MYH11: variants seen among roughly 807,000 people sequenced by gnomAD.
MYH11 encodes the protein myosin-11.
In MYH11, 80 loss-of-function variants were observed where a neutral mutation model predicts 246.6. The ratio of observed to expected loss-of-function variants is 0.32; its 90% CI spans 0.27 to 0.39. The LOEUF (loss-of-function observed/expected upper bound fraction) is 0.39, where lower values mean the gene tolerates loss of function less well. MYH11 is among the 10% of genes least tolerant of loss of function. The probability of loss-of-function intolerance (pLI) is 1.00; values close to 1 mark genes in which losing one functional copy is unlikely to be tolerated. For synonymous variants in MYH11, 1,071 were observed against 1,015.5 expected (o/e 1.05, Z -1.04); for missense variants, 2,158 against 2,546.8 (o/e 0.85, Z 3.29).
chr16:15,785,339 G>C (rs2042444232), intron 5 of MYH11: 1 of 151,950 alleles, frequency 6.6e-6, no homozygotes, highest in Non-Finnish European at 1.5e-5. Context: ...ATTATCTCCT[G>C]TGTTTACTCT....
chr16:15,805,008 C>T (rs2042976923), intron 3 of MYH11, among the ~76,000 whole-genome samples: 1 of 152,152 alleles, frequency 6.6e-6, no homozygotes, highest in Non-Finnish European at 1.5e-5. Flanking sequence ...TTCAATTCTT[C>T]GGGTACATAC....
intron 22 of MYH11, chr16:15,741,216 A>G: frequency 1.7e-6 from 1 of 605,916 alleles, no homozygotes; most frequent in Non-Finnish European, 3.0e-6. Flanking sequence ...ATTATCCTCC[A>G]TTCAGGCTTG....
Position 15,703,402 on chromosome 16 carries a change from CTT to C in MYH11, c.*587_*588del. The C allele has an allele frequency of 4.2e-6, 1 of 238,986 alleles. No homozygotes were observed. Among genetic ancestry groups the C allele is most frequent in the East Asian group, 6.0e-5 (1 of 16,674 alleles). 14.8% of individuals were successfully genotyped at this position (238,986 alleles called of 1,614,324 possible). ...GGGCCGGCGGCACCCATTTCGGTGA[CTT>C]TCTCCCCATTTCATGTAAACAGAAT... On this transcript the variant is annotated 3_prime_UTR_variant, in exon 41 of 41. Transcript: ENST00000300036.
chr16:15,759,285 T>C (rs1412758956), intron 12 of MYH11, among the ~76,000 whole-genome samples: 1 of 151,316 alleles, frequency 6.6e-6, no homozygotes, highest in Non-Finnish European at 1.5e-5. Context: ...GAGAGCCTGC[T>C]TGAGAATGGA....
In MYH11 at chr16:15,708,006, C is replaced by T. The variant is rs112651119; in HGVS notation, c.5787-3883G>A. ...CAAAATCCCAGAGCAGCAGAGACCT[C>T]TTCATGCTTTCTTGGGAAGGGCCCT... On this transcript the variant is annotated intron_variant, in intron 40 of 40. Coordinates refer to ENST00000300036, the MANE Select transcript of MYH11 (RefSeq NM_002474.3). Among the ~76,000 whole-genome samples, 1,510 of 151,020 alleles carry T rather than the reference C, an allele frequency of 1.0e-2. 32 individuals carry two copies. Among genetic ancestry groups the T allele is most frequent in the African/African-American group, 0.034 (1,386 of 41,072 alleles).
intron 6 of MYH11, among the ~76,000 whole-genome samples, chr16:15,779,696 T>C (rs1005584183): frequency 5.3e-5 from 8 of 152,196 alleles, no homozygotes; most frequent in African/African-American, 1.9e-4. Context: ...GTGTAGGATG[T>C]CCTTTAGGCA....
At chr16:15,724,104 G>T in intron 31 of MYH11, 57 bp downstream of exon 31, 3 of 1,608,854 alleles carry the variant, frequency 1.9e-6, no homozygotes, top group South Asian at 2.2e-5. Context: ...ACTCTGCAGA[G>T]CTGATTCCCC....
Position 15,776,254 on chromosome 16 carries a change from C to T in MYH11, c.791-78G>A, listed in dbSNP as rs1596818579. On this transcript the variant is annotated intron_variant, in intron 7 of 40. Coordinates refer to ENST00000300036, the MANE Select transcript of MYH11 (RefSeq NM_002474.3). The stretch of plus-strand genomic sequence containing the variant: ...CTTCCACCTCCATCCCTGTCACACC[C>T]AATTCACATGGGATGACTTTCCAGT... The T allele has an allele frequency of 4.2e-6, 4 of 949,518 alleles. No individual in the cohort carries two copies. The East Asian group carries it at 9.6e-5, about 23-fold the overall frequency. 58.8% of individuals were successfully genotyped at this position (949,518 alleles called of 1,614,324 possible).
chr16:15,823,750 T>C lies in MYH11; in HGVS notation c.346-339A>G, dbSNP rs796968612. ...AGGTGATCCTCCTACCTCAGCCTCC[T>C]GAGTAGCCAGGACTACAGGCGGGCG... On this transcript the variant is annotated intron_variant, in intron 2 of 40. Transcript: ENST00000300036. Among the ~76,000 whole-genome samples, 8 of 152,142 alleles carry C rather than the reference T, an allele frequency of 5.3e-5. No individual in the cohort carries two copies. The South Asian group carries it at 1.7e-3, about 32-fold the overall frequency.
At chr16:15,729,413 G>T (rs1169168196) in intron 27 of MYH11, among the ~76,000 whole-genome samples, 1 of 152,146 alleles carries the variant, frequency 6.6e-6, no homozygotes, top group East Asian at 1.9e-4. Flanking sequence ...CCGTCTGCTG[G>T]TGGTCTTAAT....
chr16:15,853,325 A>AT (rs1567221660), intron 1 of MYH11, among the ~76,000 whole-genome samples: 1 of 151,930 alleles, frequency 6.6e-6, no homozygotes, highest in Non-Finnish European at 1.5e-5. Context: ...CATTTTAAAA[A>AT]TTTTTTTGTA....
chr16:15,758,701 G>A (rs1252903749), intron 12 of MYH11, among the ~76,000 whole-genome samples: 2 of 151,782 alleles, frequency 1.3e-5, no homozygotes, highest in African/African-American at 2.4e-5. Flanking sequence ...TCGAGAGGCT[G>A]AGGCAGGAGA....
Position 15,740,199 on chromosome 16 carries a change from G to C in MYH11, c.2860-11C>G, listed in dbSNP as rs779282583. On this transcript the variant is annotated splice_polypyrimidine_tract_variant and intron_variant, in intron 22 of 40. Transcript: ENST00000300036. ...CTGTTCTTCAAGGTCCTTTGTTGTG[G>C]AGGGAAAAGAGTAACAGCTTTGGTT... 2 of 1,614,010 alleles carry C rather than the reference G, an allele frequency of 1.2e-6. No individual in the cohort carries two copies. The highest frequency in any genetic ancestry group is 2.2e-5 in the South Asian group (2 of 91,092).
intron 9 of MYH11, 63 bp from the exon 10 acceptor site, chr16:15,763,954 T>G: frequency 7.2e-7 from 1 of 1,396,806 alleles, no homozygotes; most frequent in African/African-American, 1.4e-5. Context: ...CCTGGAGTTT[T>G]GGAGCCTAAA....
intron 3 of MYH11, among the ~76,000 whole-genome samples, chr16:15,817,848 C>A (rs1407113460): frequency 6.6e-6 from 1 of 152,180 alleles, no homozygotes; most frequent in South Asian, 2.1e-4. Flanking sequence ...TCCCTGCCCC[C>A]TTCTCTCACC....
At position 15,809,842 on chromosome 16, in the gene MYH11, G is replaced by T. The variant is rs919107353; in HGVS notation, c.503-11155C>A. On this transcript the variant is annotated intron_variant, in intron 3 of 40. Transcript: ENST00000300036. Reference sequence around the variant, plus strand: ...AGGCTGAGGTGGGAGGATCACCTGAGCCTGGAGAGGCTGAGGCTCAGGTGA... The same window carrying T: ...AGGCTGAGGTGGGAGGATCACCTGATCCTGGAGAGGCTGAGGCTCAGGTGA... Among the ~76,000 whole-genome samples the T allele has an allele frequency of 2.0e-5, 3 of 150,526 alleles. No homozygotes were observed. In the South Asian group the frequency reaches 6.4e-4, roughly 32 times the overall value.
intron 40 of MYH11, chr16:15,708,892 G>A: frequency 1.3e-6 from 2 of 1,528,248 alleles, no homozygotes; most frequent in Non-Finnish European, 9.0e-7. Context: ...ACAAGAAGGA[G>A]CCCGGTTAAG....
chr16:15,731,226 A>G (rs1361617255), intron 27 of MYH11, among the ~76,000 whole-genome samples: 1 of 152,186 alleles, frequency 6.6e-6, no homozygotes, highest in Non-Finnish European at 1.5e-5. Flanking sequence ...CTTATCCCTG[A>G]AGGGCAGTAT....
At chr16:15,740,003 A>G (rs1421569766) in intron 23 of MYH11, 48 bp downstream of exon 23, 3 of 1,608,134 alleles carry the variant, frequency 1.9e-6, no homozygotes, top group Non-Finnish European at 2.5e-6. Context: ...TGGCCTCCCA[A>G]AGTGCTCGGA....
Sources: gnomAD v4.1 joint callset for allele counts (sites outside exome capture counted in the v4.1 genomes callset) on GRCh38, gnomAD v4.1.1 for gene constraint, MANE v1.5 for transcripts, NCBI Gene and HGNC (gene_info 2026-07-23, HGNC 2026-07-21) for gene names.